Variants in PDZK1 observed in about 807,000 individuals in gnomAD.
PDZK1 encodes PDZ domain containing 1.
A neutral mutation model predicts 38.1 loss-of-function variants in PDZK1; 23 were observed. That is an observed-to-expected ratio of 0.60 (90% CI 0.43 to 0.85). PDZK1 has a LOEUF of 0.85. Ranked by LOEUF, PDZK1 falls within the 40% of genes least tolerant of loss-of-function variation. The pLI, the probability that PDZK1 is intolerant of heterozygous loss-of-function variation, is 0.00. For synonymous variants in PDZK1, 98 were observed against 186.2 expected, an observed-to-expected ratio of 0.53 and a Z score of 3.86; for missense variants, 297 against 504.3, an observed-to-expected ratio of 0.59 and a Z score of 3.94.
Position 145,686,445 on chromosome 1 carries a change from C to T in PDZK1, c.460+32G>A, listed in dbSNP as rs201000876. On this transcript the variant is annotated intron_variant, in intron 3 of 8. Transcript: ENST00000417171. Reference sequence around the variant, plus strand: ...GAAGCCTGTTGTCTGTGCCCTGCCCCTGCCTCCCCCTGCTCCCCAAAAAAT... The same window carrying T: ...GAAGCCTGTTGTCTGTGCCCTGCCCTTGCCTCCCCCTGCTCCCCAAAAAAT... 231 of 1,591,510 alleles carry T rather than the reference C, an allele frequency of 1.5e-4. 3 individuals carry two copies. In the African/African-American group the frequency reaches 2.8e-3, roughly 19 times the overall value.
chr1:145,686,396 T>C, intron 3 of PDZK1, 81 bp downstream of exon 3: 1 of 1,525,712 alleles, frequency 6.6e-7, no homozygotes. Flanking sequence ...AGAAAAGTCA[T>C]TAACCAGTAG....
chr1:145,706,534 C>G (rs928168788), intron 1 of PDZK1, among the ~76,000 whole-genome samples: 6 of 152,082 alleles, frequency 3.9e-5, no homozygotes, highest in Non-Finnish European at 7.4e-5. Context: ...AGCCAACGCC[C>G]AAATCTTCAT....
At chr1:145,688,361 A>G (rs1043186207) in intron 1 of PDZK1, among the ~76,000 whole-genome samples, 4 of 152,282 alleles carry the variant, frequency 2.6e-5, no homozygotes, top group African/African-American at 9.6e-5. Context: ...AAAATTTATG[A>G]CAAGCCCACT....
intron 6 of PDZK1, among the ~76,000 whole-genome samples, chr1:145,676,905 A>G (rs1553699378): frequency 6.6e-6 from 1 of 151,912 alleles, no homozygotes; most frequent in East Asian, 1.9e-4. Context: ...CGGACACAAT[A>G]TTGATTGAAC....
chr1:145,691,286 GC>G (rs1204140673), intron 1 of PDZK1, among the ~76,000 whole-genome samples: 1 of 152,158 alleles, frequency 6.6e-6, no homozygotes, highest in Non-Finnish European at 1.5e-5. Context: ...TCATCTAGGA[GC>G]CAAGGGAGCT....
chr1:145,684,094 G>T (rs1283795622), intron 3 of PDZK1, among the ~76,000 whole-genome samples: 1 of 150,978 alleles, frequency 6.6e-6, no homozygotes, highest in South Asian at 2.1e-4. Context: ...TAATCCACTC[G>T]CCTCGCACTC....
In PDZK1 at chr1:145,686,498, A is replaced by C. The variant is rs1426451207; in HGVS notation, c.439T>G (p.Phe147Val). Residue 147 changes from phenylalanine (F) to valine (V), a missense_variant, in exon 3 of 9, where the codon TTC (phenylalanine) becomes GTC (valine). Physicochemically the swap from Phe to Val is conservative, Grantham distance 50. Around this residue, in one of 5 missense-constraint regions of PDZK1, gnomAD observed 159 missense variants for 200.0 expected, o/e 0.79. Transcript: ENST00000417171. Reference sequence around the variant, plus strand: ...TCACCTTGGACAGTTTTCAGAGAGAAGCCATAGCTGCCTCCTTCCTTCACG... The same window carrying C: ...TCACCTTGGACAGTTTTCAGAGAGACGCCATAGCTGCCTCCTTCCTTCACG... ...YLVKEGGSYG[F>V]SLKTVQGKKG... 6.8e-6 allele frequency: 11 copies of C among 1,611,908 alleles called. No homozygotes were observed. The highest frequency in any genetic ancestry group is 8.5e-6 in the Non-Finnish European group (10 of 1,179,856).
intron 1 of PDZK1, among the ~76,000 whole-genome samples, chr1:145,689,816 G>A (rs1655093308): frequency 6.6e-6 from 1 of 152,110 alleles, no homozygotes; most frequent in Non-Finnish European, 1.5e-5. Flanking sequence ...AGGCACCCTA[G>A]AAGCCATGGC....
chr1:145,695,242 G>A (rs375335809), intron 1 of PDZK1, among the ~76,000 whole-genome samples: 6 of 151,858 alleles, frequency 4.0e-5, no homozygotes, highest in South Asian at 2.1e-4. Context: ...CCAACATGGC[G>A]AAACCCTGCC....
intron 2 of PDZK1, 150 bp from the exon 3 acceptor site, chr1:145,686,876 C>G: frequency 1.0e-6 from 1 of 988,580 alleles, no homozygotes; most frequent in Non-Finnish European, 1.5e-6. Context: ...TCAGCCACCT[C>G]CATCCCTGCC....
rs370840532 is a variant in PDZK1, at chr1:145,689,653, C to A, written c.-2-1630G>T. The stretch of plus-strand genomic sequence containing the variant: ...ACAGAGCACTGGAGTCTGCTCTTCA[C>A]ACCACCTGCAAGGCAAGCCCTCAAG... On this transcript the variant is annotated intron_variant, in intron 1 of 8. Transcript: ENST00000417171. 5.9e-4 allele frequency among the ~76,000 whole-genome samples: 90 copies of A among 152,302 alleles called. 1 individual carries two copies. The South Asian group carries it at 0.017, about 28-fold the overall frequency.
rs139233570 is a variant in PDZK1 at position 145,695,500 on chromosome 1, G to A, written c.-2-7477C>T. Among the ~76,000 whole-genome samples, 239 of 152,142 alleles carry A rather than the reference G, an allele frequency of 1.6e-3. 1 individual carries two copies. The highest frequency in any genetic ancestry group is 5.6e-3 in the African/African-American group (233 of 41,520). On this transcript the variant is annotated intron_variant, in intron 1 of 8. Coordinates refer to ENST00000417171, the MANE Select transcript of PDZK1 (RefSeq NM_001201325.2). ...AAGAAAGAGGGAAAGCTTGGGTGTC[G>A]TCAAGGAAGAGCTAAAACCCAATGT...
At chr1:145,692,596 A>C (rs1295289169) in intron 1 of PDZK1, among the ~76,000 whole-genome samples, 1 of 151,992 alleles carries the variant, frequency 6.6e-6, no homozygotes, top group Admixed American at 6.6e-5. Flanking sequence ...CTGTAATCCC[A>C]ACTACTCGGG....
rs1553704214 is a variant in PDZK1 at position 145,696,853 on chromosome 1, G to T, written c.-2-8830C>A. 3.3e-5 allele frequency among the ~76,000 whole-genome samples: 5 copies of T among 152,186 alleles called. No individual in the cohort carries two copies. The East Asian group carries it at 9.6e-4, about 29-fold the overall frequency. ...AATGAGATGGCAATGTCAGTTTGAG[G>T]TAGGTTTCAATTAGAGGACTTGACG... On this transcript the variant is annotated intron_variant, in intron 1 of 8. Coordinates refer to ENST00000417171, the MANE Select transcript of PDZK1 (RefSeq NM_001201325.2).
At chr1:145,673,279 G>A (rs1553698513) in intron 7 of PDZK1, among the ~76,000 whole-genome samples, 1 of 152,072 alleles carries the variant, frequency 6.6e-6, no homozygotes, top group African/African-American at 2.4e-5. Context: ...GGATAAATAG[G>A]TCCCCCTTCT....
In PDZK1 at chr1:145,671,276, A is replaced by G; in HGVS notation, c.*160T>C. ...TCTGCAATAGCCGCCTGTAAGACAA[A>G]TGATAACAGAAGACAATCACACATG... is the stretch of plus-strand genomic sequence containing the variant. On this transcript the variant is annotated 3_prime_UTR_variant, in exon 9 of 9. Transcript: ENST00000417171. The G allele has an allele frequency of 8.2e-7, 1 of 1,223,362 alleles. No homozygotes were observed. Among genetic ancestry groups the G allele is most frequent in the Non-Finnish European group, 1.1e-6 (1 of 906,868 alleles). 75.8% of individuals were successfully genotyped at this position (1,223,362 alleles called of 1,614,324 possible).
chr1:145,681,104 T>C lies in PDZK1; in HGVS notation c.601A>G (p.Lys201Glu). The C allele has an allele frequency of 1.8e-6, 1 of 542,670 alleles. No homozygotes were observed. The highest frequency in any genetic ancestry group is 2.6e-5 in the African/African-American group (1 of 38,720). The allele number at this position is 542,670 out of a possible 1,614,324, so 33.6% of individuals were successfully genotyped here. Residue 201 changes from lysine (K) to glutamate (E), a missense_variant, in exon 5 of 9, where the codon AAG (lysine) becomes GAG (glutamate). Transcript: ENST00000417171. The stretch of plus-strand genomic sequence containing the variant: ...AACATGACACGGCTTCCTGACTTCT[T>C]CACCTGTAACAACACACACAGATGA... Reference protein sequence around the residue: ...ASHEEVVEKVKKSGSRVMFLL... With the variant: ...ASHEEVVEKVEKSGSRVMFLL...
chr1:145,684,409 C>T (rs1168114463), intron 3 of PDZK1, among the ~76,000 whole-genome samples: 10 of 152,022 alleles, frequency 6.6e-5, no homozygotes, highest in South Asian at 4.2e-4. Context: ...AGGGTTTCAC[C>T]GTGTTAGCCA....
At chr1:145,699,004 G>A (rs1424318129) in intron 1 of PDZK1, among the ~76,000 whole-genome samples, 3 of 151,990 alleles carry the variant, frequency 2.0e-5, no homozygotes, top group Admixed American at 6.6e-5. Flanking sequence ...TTTGGAGGCC[G>A]AGGCAGGCGG....
Sources: allele counts gnomAD v4.1 joint callset (sites outside exome capture counted in the v4.1 genomes callset), GRCh38; gene constraint gnomAD v4.1.1; regional missense constraint gnomAD v4.1.1; transcripts MANE v1.5; gene names NCBI Gene and HGNC (gene_info 2026-07-23, HGNC 2026-07-21).